SLC35E4: variants seen among roughly 807,000 people sequenced by gnomAD.
The protein encoded by SLC35E4 is solute carrier family 35, member E4.
In SLC35E4, 15 loss-of-function variants were observed where a neutral mutation model predicts 19.3. The ratio of observed to expected loss-of-function variants is 0.78; its 90% CI spans 0.52 to 1.20. The LOEUF is 1.20. Among genes scored for constraint, SLC35E4 ranks in the 50% most tolerant of loss-of-function variants. SLC35E4 has a pLI of 0.00. For missense variants in SLC35E4, 406 were observed against 472.3 expected (o/e 0.86, Z 1.30); for synonymous variants, 219 against 219.9 (o/e 1.00, Z 0.04).
rs75944395 is a variant in SLC35E4, at chr22:30,636,738, G to A, written c.288G>A (p.Arg96=). The part of the protein sequence containing the change: ...HMLVAALACH[R]GARRPMPGGT... ...TGGTGGCAGCCCTGGCATGCCACCGGGGGGCACGGCGCCCCATGCCAGGCG... is the reference window on the plus strand; with the variant it reads ...TGGTGGCAGCCCTGGCATGCCACCGAGGGGCACGGCGCCCCATGCCAGGCG... Residue 96 remains arginine (R), a synonymous_variant, in exon 1 of 2, where the codon CGG becomes CGA. Transcript: ENST00000343605. 6.2e-7 allele frequency: 1 copy of A among 1,612,072 alleles called. No individual in the cohort carries two copies. The highest frequency in any genetic ancestry group is 8.5e-7 in the Non-Finnish European group (1 of 1,179,328).
At chr22:30,642,136 C>T (rs553608874) in intron 1 of SLC35E4, among the ~76,000 whole-genome samples, 2 of 151,990 alleles carry the variant, frequency 1.3e-5, no homozygotes, top group East Asian at 3.9e-4. Flanking sequence ...CTCAGCCTCC[C>T]GAGTAGCTAG....
chr22:30,651,427 ATTTT>A (rs1160256288), downstream of SLC35E4, among the ~76,000 whole-genome samples: 33 of 22,110 alleles, frequency 1.5e-3, no homozygotes, highest in African/African-American at 2.3e-3. Flanking sequence ...ATATATATAT[ATTTT>A]TTTTTTTTTT....
downstream of SLC35E4, chr22:30,663,733 GGA>G (rs763675885): frequency 5.4e-5 from 87 of 1,614,098 alleles, 1 homozygote; most frequent in South Asian, 9.1e-4. Context: ...TCCACGCTGT[GGA>G]TATGGTCAGC....
At chr22:30,652,980 T>C (rs1326493537) in intron 2 of SLC35E4, among the ~76,000 whole-genome samples, 6 of 152,176 alleles carry the variant, frequency 3.9e-5, no homozygotes, top group Admixed American at 1.3e-4. Flanking sequence ...GAATGAGTGA[T>C]TGAGGACGTG....
At chr22:30,657,225 A>C (rs532406015) in intron 2 of SLC35E4, among the ~76,000 whole-genome samples, 6 of 151,998 alleles carry the variant, frequency 3.9e-5, no homozygotes, top group Non-Finnish European at 7.4e-5. Context: ...ACCTGAGGTC[A>C]GGAGTTTGAG....
At chr22:30,644,425 G>C (rs1015876134) in intron 1 of SLC35E4, among the ~76,000 whole-genome samples, 17 of 152,178 alleles carry the variant, frequency 1.1e-4, no homozygotes, top group African/African-American at 4.1e-4. Flanking sequence ...AAGGCCCCAT[G>C]CCATCATTGC....
In SLC35E4 at chr22:30,655,037, C is replaced by A. The variant is rs2088306483; in HGVS notation, c.*8+5784C>A. Among the ~76,000 whole-genome samples, 3 of 152,216 alleles carry A rather than the reference C, an allele frequency of 2.0e-5. No individual in the cohort carries two copies. The South Asian group carries it at 6.2e-4, about 32-fold the overall frequency. On this transcript the variant is annotated intron_variant, in intron 2 of 2. Coordinates refer to the SLC35E4 transcript ENST00000406566. ...AGAGGGAGCAGTAGGATTAGGACTT[C>A]ACCCTCCTAATTCCTGGGGTTCTGC...
At chr22:30,650,682 G>A (rs1486440249), downstream of SLC35E4, among the ~76,000 whole-genome samples, 1 of 152,056 alleles carries the variant, frequency 6.6e-6, no homozygotes, top group African/African-American at 2.4e-5. Context: ...ATGGACAAAG[G>A]CCTAGGAAGG....
At chr22:30,646,542 G>T in intron 1 of SLC35E4, 56 bp from the exon 2 acceptor site, 1 of 1,551,038 alleles carries the variant, frequency 6.4e-7, no homozygotes. Context: ...GTCATACTGG[G>T]GTGGCTGGAG....
At chr22:30,650,568 A>C (rs1370832979), downstream of SLC35E4, among the ~76,000 whole-genome samples, 1 of 152,150 alleles carries the variant, frequency 6.6e-6, no homozygotes, top group Admixed American at 6.6e-5. Flanking sequence ...GCTTTGGTAC[A>C]TCTGAGCTCT....
intron 2 of SLC35E4, among the ~76,000 whole-genome samples, chr22:30,658,477 G>C (rs903545648): frequency 2.6e-5 from 4 of 151,802 alleles, no homozygotes; most frequent in Non-Finnish European, 4.4e-5. Flanking sequence ...TCTGTCCAAA[G>C]CATCTGCAAT....
In SLC35E4 at chr22:30,636,666, AGT is replaced by A. The variant is rs1280541984; in HGVS notation, c.218_219del (p.Val73AlafsTer196). On this transcript the variant is annotated frameshift_variant, in exon 1 of 2. Coordinates refer to ENST00000343605, the MANE Select transcript of SLC35E4 (RefSeq NM_001001479.4). LOFTEE classifies it high-confidence loss of function. ...MSSLNKWIFTVHGFGRPLLLS... is the reference protein window; with the variant it reads ...MSSLNKWIFTXHGFGRPLLLS... The stretch of plus-strand genomic sequence containing the variant: ...CAAGCCTCAACAAGTGGATCTTCAC[AGT>A]GCACGGCTTTGGGCGGCCCCTGCTG... 1.2e-6 allele frequency: 2 copies of A among 1,611,936 alleles called. No individual in the cohort carries two copies. Among genetic ancestry groups the A allele is most frequent in the Non-Finnish European group, 1.7e-6 (2 of 1,179,210 alleles).
downstream of SLC35E4, chr22:30,666,915 A>C (rs1001117826): frequency 1.3e-5 from 2 of 152,182 alleles, no homozygotes; most frequent in African/African-American, 2.4e-5. Context: ...CTCGCTTCTG[A>C]TAGGGAAGTT....
chr22:30,666,349 G>A (rs895886454), downstream of SLC35E4, among the ~76,000 whole-genome samples: 3 of 152,104 alleles, frequency 2.0e-5, no homozygotes, highest in East Asian at 5.8e-4. Context: ...GGCTGGGCAC[G>A]GTGGCTTAAG....
downstream of SLC35E4, among the ~76,000 whole-genome samples, chr22:30,665,920 A>T (rs555394823): frequency 4.1e-4 from 59 of 144,300 alleles, no homozygotes; most frequent in Middle Eastern, 3.4e-3. Flanking sequence ...GCGTGTCTCC[A>T]GAATTCCAGG....
At chr22:30,659,714 C>T (rs755209393) in intron 2 of SLC35E4, among the ~76,000 whole-genome samples, 2 of 152,170 alleles carry the variant, frequency 1.3e-5, no homozygotes, top group African/African-American at 4.8e-5. Context: ...TGTTTCTGAC[C>T]TATTCCCTGG....
At chr22:30,640,632 A>G (rs1021604727) in intron 1 of SLC35E4, among the ~76,000 whole-genome samples, 2 of 152,026 alleles carry the variant, frequency 1.3e-5, no homozygotes, top group Admixed American at 6.5e-5. Context: ...CTCTGCCTCA[A>G]CCCAAGGAGA....
intron 2 of SLC35E4, among the ~76,000 whole-genome samples, chr22:30,659,020 A>G (rs1029308792): frequency 6.7e-6 from 1 of 148,770 alleles, no homozygotes; most frequent in African/African-American, 2.5e-5. Context: ...GCTATTCGGG[A>G]GGCTGAGGCA....
At chr22:30,638,840 C>A (rs1008901118) in intron 1 of SLC35E4, among the ~76,000 whole-genome samples, 2 of 151,224 alleles carry the variant, frequency 1.3e-5, no homozygotes, top group South Asian at 4.2e-4. Context: ...GTGGCATGCA[C>A]CTGTAATCCC....
Sources: gnomAD v4.1 joint callset for allele counts (sites outside exome capture counted in the v4.1 genomes callset) on GRCh38, gnomAD v4.1.1 for gene constraint, MANE v1.5 for transcripts, NCBI Gene and HGNC (gene_info 2026-07-23, HGNC 2026-07-21) for gene names.